KHDRBS2: variants seen among roughly 807,000 people sequenced by gnomAD.
KHDRBS2 encodes the protein KH RNA binding domain containing, signal transduction associated 2.
In KHDRBS2, 26 loss-of-function variants were observed where a neutral mutation model predicts 44.3. The ratio of observed to expected loss-of-function variants is 0.59; its 90% CI spans 0.43 to 0.81. KHDRBS2 has a LOEUF of 0.81. Ranked by LOEUF, KHDRBS2 falls within the 40% of genes least tolerant of loss-of-function variation. KHDRBS2 has a pLI of 0.00. For synonymous variants in KHDRBS2, 194 were observed against 151.1 expected (o/e 1.28, Z -2.08); for missense variants, 476 against 433.1 (o/e 1.10, Z -0.88).
chr6:62,053,156 T>A (rs1446826033), intron 2 of KHDRBS2, among the ~76,000 whole-genome samples: 1 of 152,000 alleles, frequency 6.6e-6, no homozygotes, highest in Non-Finnish European at 1.5e-5. Flanking sequence ...CATAAAATCA[T>A]AATGAAATGT....
At chr6:61,580,605 T>C in the KHDRBS2 span, among the ~76,000 whole-genome samples, 1 of 152,126 alleles carries the variant, frequency 6.6e-6, no homozygotes, top group Admixed American at 6.6e-5. Context: ...GCTTCATTCC[T>C]GAAGTCAGCG....
intron 2 of KHDRBS2, among the ~76,000 whole-genome samples, chr6:62,109,915 T>A (rs1324790780): frequency 6.6e-6 from 1 of 151,770 alleles, no homozygotes; most frequent in Non-Finnish European, 1.5e-5. Flanking sequence ...AACATAAAAC[T>A]ATAAAACTTC....
intron 6 of KHDRBS2, among the ~76,000 whole-genome samples, chr6:61,770,770 T>C: frequency 6.6e-6 from 1 of 152,132 alleles, no homozygotes; most frequent in Admixed American, 6.6e-5. Flanking sequence ...CTGCAGGATA[T>C]TATCCAGGAG....
chr6:61,803,783 C>T (rs2127590366), intron 6 of KHDRBS2, among the ~76,000 whole-genome samples: 1 of 152,162 alleles, frequency 6.6e-6, no homozygotes, highest in East Asian at 1.9e-4. Context: ...GAGAGAAGTG[C>T]AGAGTGAAGT....
chr6:62,090,351 A>T (rs1200650843), intron 2 of KHDRBS2, among the ~76,000 whole-genome samples: 1 of 152,202 alleles, frequency 6.6e-6, no homozygotes, highest in East Asian at 1.9e-4. Flanking sequence ...TGTCTCAGGA[A>T]AACAGAATAA....
At chr6:62,017,243 G>A (rs1781381512) in intron 3 of KHDRBS2, among the ~76,000 whole-genome samples, 1 of 151,932 alleles carries the variant, frequency 6.6e-6, no homozygotes, top group South Asian at 2.1e-4. Flanking sequence ...TATCATTGTA[G>A]GAAGGTAAAA....
chr6:61,635,276 T>C, the KHDRBS2 span, among the ~76,000 whole-genome samples: 1 of 152,048 alleles, frequency 6.6e-6, no homozygotes, highest in African/African-American at 2.4e-5. Flanking sequence ...AAATGCCCTT[T>C]TCTCATATCC....
the KHDRBS2 span, among the ~76,000 whole-genome samples, chr6:61,613,612 A>C: frequency 6.6e-6 from 1 of 151,110 alleles, no homozygotes; most frequent in Non-Finnish European, 1.5e-5. Context: ...AGTCATTACA[A>C]TCTTGCTTTA....
At chr6:61,605,210 C>T in the KHDRBS2 span, among the ~76,000 whole-genome samples, 3 of 152,258 alleles carry the variant, frequency 2.0e-5, no homozygotes, top group Admixed American at 1.3e-4. Context: ...ATTCCAGACA[C>T]CAGACCAACT....
intron 3 of KHDRBS2, among the ~76,000 whole-genome samples, chr6:61,989,905 A>T (rs1775809529): frequency 6.6e-6 from 1 of 152,144 alleles, no homozygotes; most frequent in Admixed American, 6.6e-5. Flanking sequence ...TCCAAGTCTC[A>T]ACTAGTGACT....
At chr6:62,197,837 G>C (rs1312884239) in intron 1 of KHDRBS2, among the ~76,000 whole-genome samples, 2 of 152,106 alleles carry the variant, frequency 1.3e-5, no homozygotes, top group Non-Finnish European at 2.9e-5. Context: ...ATAGTTGGAA[G>C]TAAAGCACTC....
intron 3 of KHDRBS2, among the ~76,000 whole-genome samples, chr6:61,986,003 C>T (rs1181971770): frequency 1.3e-5 from 2 of 151,606 alleles, no homozygotes; most frequent in South Asian, 2.1e-4. Flanking sequence ...TTTGGAAGCA[C>T]TAGAGTATAG....
chr6:61,851,736 C>T (rs975335657), intron 6 of KHDRBS2, among the ~76,000 whole-genome samples: 6 of 152,090 alleles, frequency 3.9e-5, no homozygotes, highest in African/African-American at 4.8e-5. Flanking sequence ...TATAGCATTT[C>T]GTTATGGCAA....
intron 1 of KHDRBS2, among the ~76,000 whole-genome samples, chr6:62,211,390 G>A (rs989236787): frequency 2.6e-5 from 4 of 152,126 alleles, no homozygotes; most frequent in Non-Finnish European, 5.9e-5. Flanking sequence ...AATAAACATT[G>A]TGACATCATG....
At chr6:61,619,667 T>A in the KHDRBS2 span, among the ~76,000 whole-genome samples, 1 of 152,138 alleles carries the variant, frequency 6.6e-6, no homozygotes, top group Non-Finnish European at 1.5e-5. Context: ...TTTGTCAGAC[T>A]GGTCTCGAAC....
intron 7 of KHDRBS2, among the ~76,000 whole-genome samples, chr6:61,725,174 T>G (rs542495450): frequency 1.5e-4 from 23 of 152,062 alleles, no homozygotes; most frequent in Admixed American, 5.2e-4. Context: ...CACAACTACA[T>G]GGAAATTGAA....
chr6:62,091,810 T>C (rs887132464), intron 2 of KHDRBS2, among the ~76,000 whole-genome samples: 4 of 152,196 alleles, frequency 2.6e-5, no homozygotes, highest in African/African-American at 4.8e-5. Flanking sequence ...ATACTGTTGT[T>C]TGTTGAACTA....
intron 1 of KHDRBS2, among the ~76,000 whole-genome samples, chr6:62,221,405 T>C (rs1830871296): frequency 6.6e-6 from 1 of 152,028 alleles, no homozygotes; most frequent in Non-Finnish European, 1.5e-5. Context: ...AGGACTATAG[T>C]TACTAATACT....
At chr6:61,910,074 C>T (rs1345094807) in intron 4 of KHDRBS2, among the ~76,000 whole-genome samples, 1 of 152,156 alleles carries the variant, frequency 6.6e-6, no homozygotes, top group Non-Finnish European at 1.5e-5. Context: ...TCAGCTCCTA[C>T]AAACAGATTA....
Sources: gnomAD v4.1 joint callset for allele counts (sites outside exome capture counted in the v4.1 genomes callset) on GRCh38, gnomAD v4.1.1 for gene constraint, MANE v1.5 for transcripts, NCBI Gene and HGNC (gene_info 2026-07-23, HGNC 2026-07-21) for gene names.